PTPRG: variants seen among roughly 807,000 people sequenced by gnomAD.
PTPRG encodes protein tyrosine phosphatase receptor type G.
A neutral mutation model predicts 165.3 loss-of-function variants in PTPRG; 102 were observed. The ratio of observed to expected loss-of-function variants is 0.62; its 90% confidence interval spans 0.53 to 0.73. The LOEUF (loss-of-function observed/expected upper bound fraction) is 0.73. Ranked by LOEUF, PTPRG falls within the 30% of genes least tolerant of loss-of-function variation. The probability of loss-of-function intolerance (pLI) is 0.00; values close to 1 mark genes in which losing one functional copy is unlikely to be tolerated. For synonymous variants in PTPRG, 675 were observed against 669.5 expected (o/e 1.01, Z -0.13); for missense variants, 1,866 against 1,861.4 (o/e 1.00, Z -0.05).
intron 28 of PTPRG, among the ~76,000 whole-genome samples, chr3:62,289,722 T>TA (rs1212365980): frequency 2.5e-5 from 3 of 120,204 alleles, no homozygotes; most frequent in African/African-American, 6.4e-5. Flanking sequence ...AAAAAACACT[T>TA]AGAGTAAAAA....
At chr3:61,964,931 A>G (rs745728162) in intron 2 of PTPRG, among the ~76,000 whole-genome samples, 1 of 152,088 alleles carries the variant, frequency 6.6e-6, no homozygotes, top group Non-Finnish European at 1.5e-5. Flanking sequence ...AATCAAAATG[A>G]TATAATTTTG....
At chr3:61,806,301 A>G (rs1390826564) in intron 2 of PTPRG, among the ~76,000 whole-genome samples, 1 of 152,178 alleles carries the variant, frequency 6.6e-6, no homozygotes, top group Non-Finnish European at 1.5e-5. Context: ...GCGAGAAAGA[A>G]AGTTGAGTTT....
chr3:61,912,229 A>G (rs923459515), intron 2 of PTPRG, among the ~76,000 whole-genome samples: 1 of 152,086 alleles, frequency 6.6e-6, no homozygotes, highest in African/African-American at 2.4e-5. Flanking sequence ...TATAATTTCC[A>G]TGGGAATGTA....
At chr3:61,956,588 T>C (rs749472004) in intron 2 of PTPRG, among the ~76,000 whole-genome samples, 4 of 152,152 alleles carry the variant, frequency 2.6e-5, no homozygotes, top group Admixed American at 1.3e-4. Flanking sequence ...CAATTAGATA[T>C]GCCAGTCACC....
intron 8 of PTPRG, among the ~76,000 whole-genome samples, chr3:62,176,181 C>T (rs961856518): frequency 6.6e-6 from 1 of 151,448 alleles, no homozygotes; most frequent in African/African-American, 2.4e-5. Flanking sequence ...TGAGGATGAT[C>T]ATAGTAAAAG....
rs147585940 is a variant in PTPRG, at chr3:62,218,810, A to G, written c.2156-41A>G. 861 of 1,594,270 alleles carry G rather than the reference A, an allele frequency of 5.4e-4. 4 individuals carry two copies. In the African/African-American group the frequency reaches 0.011, roughly 20 times the overall value. ...TGCATCAATTCTGGCTCCCACCTCCACTAACCTCTGTCCTCTAACTGGGAT... is the reference window on the plus strand; with the variant it reads ...TGCATCAATTCTGGCTCCCACCTCCGCTAACCTCTGTCCTCTAACTGGGAT... On this transcript the variant is annotated intron_variant, in intron 12 of 29. Transcript: ENST00000474889.
At chr3:62,012,935 G>A (rs558248588) in intron 4 of PTPRG, among the ~76,000 whole-genome samples, 7 of 152,190 alleles carry the variant, frequency 4.6e-5, no homozygotes, top group South Asian at 2.1e-4. Flanking sequence ...TGGATTGACC[G>A]CTTCAGTCTA....
chr3:62,000,057 C>A (rs982635640), intron 3 of PTPRG, among the ~76,000 whole-genome samples: 3 of 152,200 alleles, frequency 2.0e-5, no homozygotes, highest in African/African-American at 7.2e-5. Context: ...AATCTCGACA[C>A]TTTGGGAGGC....
intron 5 of PTPRG, among the ~76,000 whole-genome samples, chr3:62,092,439 G>GAAAAAAAAAA (rs55955359): frequency 1.7e-4 from 15 of 89,430 alleles, no homozygotes; most frequent in African/African-American, 4.0e-4. Context: ...GAGTCCATCT[G>GAAAAAAAAAA]AAAAAAAAAA....
At chr3:61,885,373 C>T (rs541927455) in intron 2 of PTPRG, among the ~76,000 whole-genome samples, 1 of 151,658 alleles carries the variant, frequency 6.6e-6, no homozygotes, top group East Asian at 2.0e-4. Flanking sequence ...ATTATCCATA[C>T]TTCTGCCCCC....
rs1559708574 is a variant in PTPRG at position 62,252,123 on chromosome 3, A to G, written c.2468-3001A>G. Among the ~76,000 whole-genome samples, 3 of 152,022 alleles carry G rather than the reference A, an allele frequency of 2.0e-5. No homozygotes were observed. The highest frequency in any genetic ancestry group is 6.6e-5 in the Admixed American group (1 of 15,240). ...CCTTTATGCTTCTCCCACCACCACCACTGCATCAGTGACATTTACTCCCAC... is the reference window on the plus strand; with the variant it reads ...CCTTTATGCTTCTCCCACCACCACCGCTGCATCAGTGACATTTACTCCCAC... On this transcript the variant is annotated intron_variant, in intron 15 of 29. Transcript: ENST00000474889. This position sits in a 1 kb window ranked among gnomAD's most constrained non-coding sequence, Gnocchi z 4.6.
chr3:62,196,692 G>T (rs1699972087), intron 10 of PTPRG, among the ~76,000 whole-genome samples: 1 of 152,120 alleles, frequency 6.6e-6, no homozygotes, highest in African/African-American at 2.4e-5. Context: ...CTTGGATCAG[G>T]TCCTTGACTT....
intron 1 of PTPRG, among the ~76,000 whole-genome samples, chr3:61,617,425 G>A (rs1701327618): frequency 6.6e-6 from 1 of 152,144 alleles, no homozygotes; most frequent in African/African-American, 2.4e-5. Flanking sequence ...CATTTATAAG[G>A]GTGTTCCTTT....
intron 2 of PTPRG, among the ~76,000 whole-genome samples, chr3:61,909,736 T>C (rs1487529152): frequency 6.6e-6 from 1 of 151,964 alleles, no homozygotes; most frequent in Non-Finnish European, 1.5e-5. Context: ...ACCTCAAGGG[T>C]AGCAAAGTAA....
intron 1 of PTPRG, among the ~76,000 whole-genome samples, chr3:61,664,721 C>T (rs1336809539): frequency 6.6e-6 from 1 of 152,110 alleles, no homozygotes; most frequent in African/African-American, 2.4e-5. Flanking sequence ...ATCCCAGCTA[C>T]TAGGGAGGCT....
chr3:61,835,147 A>T (rs1575705294), intron 2 of PTPRG, among the ~76,000 whole-genome samples: 1 of 152,166 alleles, frequency 6.6e-6, no homozygotes, highest in Admixed American at 6.5e-5. Context: ...CCAGTTTGGT[A>T]GTTTCCAGGT....
chr3:61,826,182 C>T (rs866894270), intron 2 of PTPRG, among the ~76,000 whole-genome samples: 3 of 152,100 alleles, frequency 2.0e-5, no homozygotes, highest in African/African-American at 7.2e-5. Context: ...TAGGGAGAAG[C>T]CTCCTGATTT....
At chr3:61,945,334 C>T (rs1199862173) in intron 2 of PTPRG, among the ~76,000 whole-genome samples, 2 of 151,970 alleles carry the variant, frequency 1.3e-5, no homozygotes, top group East Asian at 3.9e-4. Context: ...CCAAGGTGGG[C>T]GGATCACCTG....
rs559321047 is a variant in PTPRG, at chr3:62,211,340, C to T, written c.2155+7390C>T. Among the ~76,000 whole-genome samples the T allele has an allele frequency of 3.3e-5, 5 of 152,166 alleles. No individual in the cohort carries two copies. The South Asian group carries it at 8.3e-4, about 25-fold the overall frequency. ...AAAGTAGAATGGTGGTTGCCAGAGG[C>T]TGATGAAAGGGGAAATGGGGAGTTG... On this transcript the variant is annotated intron_variant, in intron 12 of 29. Transcript: ENST00000474889.
Sources: gnomAD v4.1 joint callset for allele counts (sites outside exome capture counted in the v4.1 genomes callset) on GRCh38, gnomAD v4.1.1 for gene constraint, Gnocchi (gnomAD v3.1) non-coding constraint, MANE v1.5 for transcripts, NCBI Gene and HGNC (gene_info 2026-07-23, HGNC 2026-07-21) for gene names.